IL3RA: variants seen among roughly 807,000 people sequenced by gnomAD.
IL3RA encodes interleukin-3 receptor subunit alpha.
Under a neutral mutation model 52.3 loss-of-function variants are expected in IL3RA, and 73 were observed. That is an observed-to-expected ratio of 1.40 (90% CI 1.16 to 1.70). IL3RA has a LOEUF of 1.70. IL3RA is among the 40% of genes most tolerant of loss of function. The probability of loss-of-function intolerance (pLI) is 0.00; values close to 1 mark genes in which losing one functional copy is unlikely to be tolerated. For synonymous variants in IL3RA, 260 were observed against 194.0 expected, an observed-to-expected ratio of 1.34 and a Z score of -2.83; for missense variants, 664 against 504.4, an observed-to-expected ratio of 1.32 and a Z score of -3.03.
In IL3RA at chrX:1,349,471, C is replaced by T. The variant is rs766884578; in HGVS notation, c.298+926C>T. On this transcript the variant is annotated intron_variant, in intron 4 of 11. Coordinates refer to ENST00000331035, the MANE Select transcript of IL3RA (RefSeq NM_002183.4). ...CTGGGAGTACAGGGGTGAGCCACCG[C>T]GCCCAGCCTTAAATACTTTTTGTAG... is the stretch of plus-strand genomic sequence containing the variant. Among the ~76,000 whole-genome samples the T allele has an allele frequency of 8.6e-5, 13 of 151,210 alleles. No individual in the cohort carries two copies. The South Asian group carries it at 1.5e-3, about 17-fold the overall frequency.
intron 8 of IL3RA, among the ~76,000 whole-genome samples, chrX:1,362,054 G>C (rs1311659950): frequency 2.7e-5 from 4 of 150,418 alleles, no homozygotes; most frequent in Admixed American, 6.6e-5. Context: ...TTGTATCTCT[G>C]TCTCTCTCTC....
chrX:1,363,813 G>A (rs1268596578), intron 8 of IL3RA, among the ~76,000 whole-genome samples: 1 of 151,914 alleles, frequency 6.6e-6, no homozygotes, highest in African/African-American at 2.4e-5. Context: ...TCTGCCTCCT[G>A]GGCTCAAGGG....
chrX:1,351,045 A>G (rs1569521088), intron 4 of IL3RA, among the ~76,000 whole-genome samples: 1 of 151,824 alleles, frequency 6.6e-6, no homozygotes, highest in Non-Finnish European at 1.5e-5. Context: ...CATCTCTACT[A>G]AAAATACAAA....
chrX:1,361,843 G>C (rs1186414837), intron 8 of IL3RA, among the ~76,000 whole-genome samples: 1 of 150,352 alleles, frequency 6.7e-6, no homozygotes, highest in African/African-American at 2.5e-5. Context: ...TCACTACCCC[G>C]AGAACAGTGT....
At chrX:1,360,964 T>C in intron 8 of IL3RA, among the ~76,000 whole-genome samples, 1 of 81,100 alleles carries the variant, frequency 1.2e-5, no homozygotes. Context: ...TCTCTCTCCC[T>C]TCCCCTCTCT....
rs762041799 is a variant in IL3RA at position 1,345,454 on chromosome X, GT to G, written c.183+27del. On this transcript the variant is annotated intron_variant, in intron 3 of 11. Transcript: ENST00000331035. ...ATGCCGGTAAATCATACTCTCTATTGTTTTTTTATTTTTATTTTATTTATTT... is the reference window on the plus strand; with the variant it reads ...ATGCCGGTAAATCATACTCTCTATTGTTTTTTATTTTTATTTTATTTATTT... 2.9e-6 allele frequency: 4 copies of G among 1,403,486 alleles called. No homozygotes were observed. Among genetic ancestry groups the G allele is most frequent in the East Asian group, 2.4e-5 (1 of 42,356 alleles). 86.9% of individuals were successfully genotyped at this position (1,403,486 alleles called of 1,614,324 possible). A position where few individuals can be genotyped will look rare whatever the true frequency, so the allele number is the denominator to read the frequency against.
At chrX:1,352,747 T>G (rs1432113313) in intron 6 of IL3RA, among the ~76,000 whole-genome samples, 6 of 152,004 alleles carry the variant, frequency 3.9e-5, no homozygotes, top group Non-Finnish European at 8.8e-5. Flanking sequence ...GAGAGAGAGA[T>G]GAAGTTCTGG....
At chrX:1,370,846 C>G (rs1294462786) in intron 9 of IL3RA, among the ~76,000 whole-genome samples, 1 of 68,636 alleles carries the variant, frequency 1.5e-5, no homozygotes, top group East Asian at 3.5e-4. Flanking sequence ...GGAGAGGGGC[C>G]TCAGGAGGAA....
chrX:1,361,966 C>G (rs1257471563), intron 8 of IL3RA, among the ~76,000 whole-genome samples: 1 of 151,992 alleles, frequency 6.6e-6, no homozygotes, highest in Non-Finnish European at 1.5e-5. Flanking sequence ...CACAGCCAAA[C>G]TACATCACCC....
Position 1,367,039 on chromosome X carries a change from TGA to T in IL3RA, c.874+1789_874+1790del, listed in dbSNP as rs1185259437. On this transcript the variant is annotated intron_variant, in intron 9 of 11. Transcript: ENST00000331035. ...CGCGGGGTGCGCGGGGTGCGCGGGG[TGA>T]GCCGGGTGCGCGGGGTGAGCGGGGT... is the stretch of plus-strand genomic sequence containing the variant. Among the ~76,000 whole-genome samples the T allele has an allele frequency of 4.2e-4, 6 of 14,172 alleles. 1 individual carries two copies. Among genetic ancestry groups the T allele is most frequent in the East Asian group, 1.5e-3 (1 of 654 alleles). The allele number at this position is 14,172 out of a possible 152,430, so 9.3% of individuals were successfully genotyped here.
chrX:1,353,677 TGGGTTCC>T (rs1569522107), intron 6 of IL3RA, among the ~76,000 whole-genome samples: 1 of 84,114 alleles, frequency 1.2e-5, no homozygotes, highest in Non-Finnish European at 2.2e-5. Flanking sequence ...CCCCCCATCA[TGGGTTCC>T]ATCACGGGTC....
intron 2 of IL3RA, among the ~76,000 whole-genome samples, chrX:1,344,064 G>A (rs1479562417): frequency 6.6e-6 from 1 of 152,068 alleles, no homozygotes; most frequent in Non-Finnish European, 1.5e-5. Flanking sequence ...AAAGTGCTGG[G>A]ATGACGGGCG....
At chrX:1,370,854 G>A in intron 9 of IL3RA, among the ~76,000 whole-genome samples, 1 of 65,270 alleles carries the variant, frequency 1.5e-5, no homozygotes, top group African/African-American at 9.0e-5. Flanking sequence ...GCCTCAGGAG[G>A]AACCAGCACT....
chrX:1,353,039 A>G lies in IL3RA; in HGVS notation c.616+533A>G, dbSNP rs1345214426. ...AGAACCCCCTATCATGGATTCCATC[A>G]TGGGTCATGGGAACCCCCATCATGG... is the stretch of plus-strand genomic sequence containing the variant. On this transcript the variant is annotated intron_variant, in intron 6 of 11. Transcript: ENST00000331035. Among the ~76,000 whole-genome samples, 9 of 145,948 alleles carry G rather than the reference A, an allele frequency of 6.2e-5. 1 individual carries two copies. The highest frequency in any genetic ancestry group is 3.0e-5 in the Non-Finnish European group (2 of 66,346).
intron 3 of IL3RA, 98 bp from the exon 4 acceptor site, chrX:1,348,333 A>ACAGAG: frequency 1.1e-6 from 1 of 927,730 alleles, no homozygotes; most frequent in South Asian, 1.3e-5. Context: ...AGCGTGGGCG[A>ACAGAG]CGAGAGCGAA....
At chrX:1,362,243 T>C (rs2087481451) in intron 8 of IL3RA, among the ~76,000 whole-genome samples, 1 of 150,400 alleles carries the variant, frequency 6.6e-6, no homozygotes, top group African/African-American at 2.5e-5. Flanking sequence ...TGTCTGTCTT[T>C]GTCTATGTCT....
chrX:1,338,264 TATA>T (rs1365681752), intron 1 of IL3RA, among the ~76,000 whole-genome samples: 1 of 134,466 alleles, frequency 7.4e-6, no homozygotes, highest in African/African-American at 2.9e-5. Context: ...AATGGAAAAA[TATA>T]ATGTCCATCC....
chrX:1,377,575 G>A lies in IL3RA; in HGVS notation c.875-1084G>A, dbSNP rs187649374. 1.1e-3 allele frequency among the ~76,000 whole-genome samples: 164 copies of A among 148,588 alleles called. 2 individuals are homozygous for A. The highest frequency in any genetic ancestry group is 4.2e-3 in the African/African-American group (160 of 38,062). On this transcript the variant is annotated intron_variant, in intron 9 of 11. Coordinates refer to ENST00000331035, the MANE Select transcript of IL3RA (RefSeq NM_002183.4). The stretch of plus-strand genomic sequence containing the variant: ...TTTTTTCTGAAGCCACCAAGCTGTG[G>A]GACTTTTTTATGGCAGTCCCAGCAG...
rs1212369017 is a variant in IL3RA at position 1,376,714 on chromosome X, G to A, written c.875-1945G>A. Reference sequence around the variant, plus strand: ...CAGCCCTGCCCACACCTGGATCTCAGACCTCCAGCCTCCAGGGCTGTGGGA... The same window carrying A: ...CAGCCCTGCCCACACCTGGATCTCAAACCTCCAGCCTCCAGGGCTGTGGGA... On this transcript the variant is annotated intron_variant, in intron 9 of 11. Transcript: ENST00000331035. Among the ~76,000 whole-genome samples, 49 of 116,584 alleles carry A rather than the reference G, an allele frequency of 4.2e-4. 1 individual carries two copies. The highest frequency in any genetic ancestry group is 1.8e-3 in the African/African-American group (47 of 26,852). 76.5% of individuals were successfully genotyped at this position (116,584 alleles called of 152,430 possible).
Sources: gnomAD v4.1 joint callset for allele counts (sites outside exome capture counted in the v4.1 genomes callset) on GRCh38, gnomAD v4.1.1 for gene constraint, MANE v1.5 for transcripts, NCBI Gene and HGNC (gene_info 2026-07-23, HGNC 2026-07-21) for gene names.